ZNF536: variants seen among roughly 807,000 people sequenced by gnomAD.
The protein encoded by ZNF536 is zinc finger protein 536.
Under a neutral mutation model 84.5 loss-of-function variants are expected in ZNF536, and 13 were observed. That is an observed-to-expected ratio of 0.15 (90% CI 0.10 to 0.24). The LOEUF is 0.24. Ranked by LOEUF, ZNF536 falls within the 10% of genes least tolerant of loss-of-function variation. The probability of loss-of-function intolerance (pLI) is 1.00; values close to 1 mark genes in which losing one functional copy is unlikely to be tolerated. For missense variants in ZNF536, 1,536 were observed against 1,747.5 expected, an observed-to-expected ratio of 0.88 and a Z score of 2.16; for synonymous variants, 811 against 742.5, an observed-to-expected ratio of 1.09 and a Z score of -1.50.
intron 1 of ZNF536, among the ~76,000 whole-genome samples, chr19:30,619,159 A>T (rs1027563766): frequency 6.6e-6 from 1 of 151,864 alleles, no homozygotes; most frequent in African/African-American, 2.4e-5. Flanking sequence ...TTTCGGGTGC[A>T]CTAGTTATGT....
In ZNF536 at chr19:30,548,390, G is replaced by T; in HGVS notation, c.2771G>T (p.Ser924Ile). Residue 924 changes from serine (S) to isoleucine (I), a missense_variant, in exon 4 of 5, where the codon AGT becomes ATT. By Grantham distance (142) the Ser-to-Ile change is moderately radical. This residue lies in a region of ZNF536 where 624 missense variants were observed against 603.1 expected (regional missense o/e 1.03). Coordinates refer to ENST00000355537, the MANE Select transcript of ZNF536 (RefSeq NM_014717.3). ...GGGTCCTTGCAAGCTTTCATGGACA[G>T]TTTTGTCCTCAGTTCCTTGAAGAAG... ...FQGSLQAFMD[S>I]FVLSSLKKEK... 6.2e-7 allele frequency: 1 copy of T among 1,614,160 alleles called. No individual in the cohort carries two copies. Among genetic ancestry groups the T allele is most frequent in the Non-Finnish European group, 8.5e-7 (1 of 1,180,036 alleles).
At chr19:30,515,243 C>T (rs548613700) in intron 2 of ZNF536, among the ~76,000 whole-genome samples, 4 of 152,240 alleles carry the variant, frequency 2.6e-5, no homozygotes, top group African/African-American at 9.6e-5. Context: ...GCCTGGGCAC[C>T]AGAGTGAGAC....
At chr19:30,240,380 A>AC (rs1172696035) in intron 1 of ZNF536, among the ~76,000 whole-genome samples, 2 of 151,622 alleles carry the variant, frequency 1.3e-5, no homozygotes, top group African/African-American at 4.8e-5. Flanking sequence ...CTCAGAAAAA[A>AC]AAAAAATCCA....
At chr19:30,598,973 T>C (rs113316836) in intron 1 of ZNF536, among the ~76,000 whole-genome samples, 29,269 of 65,404 alleles carry the variant, frequency 0.45, 4,506 homozygotes, top group East Asian at 0.58. Flanking sequence ...CCTTCCCTCC[T>C]TCCCTCCCTC....
chr19:30,326,962 C>A (rs766449095), intron 2 of ZNF536, among the ~76,000 whole-genome samples: 1 of 151,452 alleles, frequency 6.6e-6, no homozygotes, highest in Non-Finnish European at 1.5e-5. Flanking sequence ...TAAAAAGTAA[C>A]CAGGTATAAT....
At chr19:30,442,266 T>A (rs370938109) in intron 1 of ZNF536, among the ~76,000 whole-genome samples, 1 of 152,220 alleles carries the variant, frequency 6.6e-6, no homozygotes, top group South Asian at 2.1e-4. Context: ...CTGCCCTCCC[T>A]GGAGCCATCT....
At chr19:30,368,707 G>A (rs1390086057), upstream of ZNF536, among the ~76,000 whole-genome samples, 3 of 152,328 alleles carry the variant, frequency 2.0e-5, no homozygotes, top group African/African-American at 4.8e-5. Flanking sequence ...GGAATTCAGC[G>A]AGCAGACCTC....
intron 1 of ZNF536, among the ~76,000 whole-genome samples, chr19:30,427,055 G>T (rs2051247518): frequency 6.6e-6 from 1 of 152,212 alleles, no homozygotes; most frequent in Non-Finnish European, 1.5e-5. Flanking sequence ...ACAAAGAAAA[G>T]TAAGACACAG....
chr19:30,259,841 C>T (rs764009705), intron 1 of ZNF536, among the ~76,000 whole-genome samples: 12 of 152,260 alleles, frequency 7.9e-5, no homozygotes, highest in Non-Finnish European at 1.8e-4. Flanking sequence ...CAACCTCCAC[C>T]TCCTGGGTTC....
chr19:30,620,731 A>G (rs2048453413), intron 1 of ZNF536, among the ~76,000 whole-genome samples: 1 of 152,150 alleles, frequency 6.6e-6, no homozygotes, highest in African/African-American at 2.4e-5. Flanking sequence ...GTTCAACATC[A>G]TTTCCCAGTT....
intron 1 of ZNF536, among the ~76,000 whole-genome samples, chr19:30,623,743 T>C (rs1345984902): frequency 6.6e-6 from 1 of 152,240 alleles, no homozygotes; most frequent in Non-Finnish European, 1.5e-5. Flanking sequence ...TGCCTCTTTC[T>C]GCTTAGTTTG....
intron 2 of ZNF536, among the ~76,000 whole-genome samples, chr19:30,520,896 T>G (rs2044293386): frequency 6.6e-6 from 1 of 152,182 alleles, no homozygotes; most frequent in South Asian, 2.1e-4. Flanking sequence ...AGGAGGCATT[T>G]ACAAACACAC....
In ZNF536 at chr19:30,421,929, G is replaced by C. The variant is rs948510582; in HGVS notation, c.-2-21632G>C. Among the ~76,000 whole-genome samples the C allele has an allele frequency of 7.2e-5, 11 of 152,184 alleles. No individual in the cohort carries two copies. The East Asian group carries it at 1.5e-3, about 21-fold the overall frequency. ...TATTTTTATAATTACCTTTAATTTA[G>C]AGCAAGTGATACAAATTTCCATTTA... is the stretch of plus-strand genomic sequence containing the variant. On this transcript the variant is annotated intron_variant, in intron 1 of 4. Transcript: ENST00000355537.
At position 30,448,464 on chromosome 19, in the gene ZNF536, TA is replaced by T. The variant is rs567321540; in HGVS notation, c.2170+2734del. Among the ~76,000 whole-genome samples the T allele has an allele frequency of 4.9e-3, 740 of 152,342 alleles. 5 individuals carry two copies. Among genetic ancestry groups the T allele is most frequent in the African/African-American group, 0.017 (707 of 41,582 alleles). On this transcript the variant is annotated intron_variant, in intron 2 of 4. Coordinates refer to ENST00000355537, the MANE Select transcript of ZNF536 (RefSeq NM_014717.3). ...GAAGGAGAGAGAGAGAAAAAATCTT[TA>T]AGCCCTTAAGTAAAGAAAGAAGTAC...
At chr19:30,689,104 G>C (rs2051308871) in intron 1 of ZNF536, among the ~76,000 whole-genome samples, 1 of 152,238 alleles carries the variant, frequency 6.6e-6, no homozygotes, top group African/African-American at 2.4e-5. Context: ...CCCTTTCACA[G>C]ATGAGAAAAC....
intron 1 of ZNF536, among the ~76,000 whole-genome samples, chr19:30,703,809 C>T (rs924064075): frequency 2.6e-5 from 4 of 152,220 alleles, no homozygotes; most frequent in African/African-American, 9.6e-5. Context: ...ATGCCATCAT[C>T]TGATGCTCAC....
At chr19:30,266,031 C>T (rs1193411479) in intron 1 of ZNF536, among the ~76,000 whole-genome samples, 1 of 151,838 alleles carries the variant, frequency 6.6e-6, no homozygotes, top group Non-Finnish European at 1.5e-5. Context: ...GCTAGAACTA[C>T]AGGCACATAC....
At chr19:30,298,811 T>G (rs1049298913) in intron 2 of ZNF536, among the ~76,000 whole-genome samples, 1 of 152,218 alleles carries the variant, frequency 6.6e-6, no homozygotes, top group African/African-American at 2.4e-5. Flanking sequence ...TGGGTGGACC[T>G]CAGAAGGCTG....
In ZNF536 at chr19:30,602,989, A is replaced by T. The variant is rs548844019; in HGVS notation, c.169+53475A>T. On this transcript the variant is annotated intron_variant, in intron 1 of 1. Transcript: ENST00000592773. ...AGGAGAGATTAGACGCCAGAGTGAG[A>T]GAAGGTATTAGTTGCCCATCAGTGG... is the stretch of plus-strand genomic sequence containing the variant. 5.9e-5 allele frequency among the ~76,000 whole-genome samples: 9 copies of T among 152,338 alleles called. No homozygotes were observed. In the South Asian group the frequency reaches 1.9e-3, roughly 32 times the overall value.
Sources: allele counts gnomAD v4.1 joint callset (sites outside exome capture counted in the v4.1 genomes callset), GRCh38; gene constraint gnomAD v4.1.1; regional missense constraint gnomAD v4.1.1; transcripts MANE v1.5; gene names NCBI Gene and HGNC (gene_info 2026-07-23, HGNC 2026-07-21).